ROBO2: variants seen among roughly 807,000 people sequenced by gnomAD.
The protein encoded by ROBO2 is roundabout guidance receptor 2.
In ROBO2, 53 loss-of-function variants were observed where a neutral mutation model predicts 160.8. That is an observed-to-expected ratio of 0.33 (90% CI 0.26 to 0.41). ROBO2 has a LOEUF of 0.41. Ranked by LOEUF, ROBO2 falls within the 10% of genes least tolerant of loss-of-function variation. The pLI is 1.00. For missense variants in ROBO2, 1,577 were observed against 1,722.4 expected, an observed-to-expected ratio of 0.92 and a Z score of 1.49; for synonymous variants, 664 against 611.7, an observed-to-expected ratio of 1.09 and a Z score of -1.26.
At chr3:77,189,435 G>T (rs1579800182) in intron 2 of ROBO2, among the ~76,000 whole-genome samples, 1 of 151,836 alleles carries the variant, frequency 6.6e-6, no homozygotes, top group East Asian at 1.9e-4. Context: ...TTTTAAAGAA[G>T]ATATCTGTGC....
At chr3:76,513,513 G>T (rs771619844) in intron 2 of ROBO2, among the ~76,000 whole-genome samples, 6 of 152,020 alleles carry the variant, frequency 3.9e-5, no homozygotes, top group Non-Finnish European at 7.4e-5. Flanking sequence ...ACACCACCAC[G>T]CCTGGCGTGG....
chr3:76,027,600 ATCCTTTTC>A (rs1490288647), intron 2 of ROBO2, among the ~76,000 whole-genome samples: 2 of 151,852 alleles, frequency 1.3e-5, no homozygotes, highest in African/African-American at 4.8e-5. Context: ...AATGAAACCC[ATCCTTTTC>A]TGACAACAGT....
intron 2 of ROBO2, among the ~76,000 whole-genome samples, chr3:76,077,105 C>T (rs187375625): frequency 2.6e-5 from 4 of 152,176 alleles, no homozygotes; most frequent in South Asian, 2.1e-4. Context: ...AATTTTCACT[C>T]GTACACAATA....
rs879848225 is a variant in ROBO2, at chr3:76,555,418, A to AAGAAGAGG, written c.110-542595_110-542594insGAAGAGGA. On this transcript the variant is annotated intron_variant, in intron 2 of 26. Coordinates refer to the ROBO2 transcript ENST00000487694. ...GAAGAAGAAGAAGAAGAAGAAGAAG[A>AAGAAGAGG]AAGAAGGAGAAGGGGAAGGGGAAGA... 7.5e-5 allele frequency among the ~76,000 whole-genome samples: 6 copies of AAGAAGAGG among 80,178 alleles called. No homozygotes were observed. The South Asian group carries it at 3.1e-3, about 42-fold the overall frequency. The allele number at this position is 80,178 out of a possible 152,430, so 52.6% of individuals were successfully genotyped here.
At chr3:76,018,646 T>C (rs1476176074) in intron 2 of ROBO2, among the ~76,000 whole-genome samples, 1 of 151,972 alleles carries the variant, frequency 6.6e-6, no homozygotes, top group East Asian at 1.9e-4. Context: ...CTTAATTGTG[T>C]TGTGCTTAGA....
At chr3:76,212,247 C>T (rs531295651) in intron 2 of ROBO2, among the ~76,000 whole-genome samples, 8 of 151,776 alleles carry the variant, frequency 5.3e-5, no homozygotes, top group South Asian at 4.2e-4. Flanking sequence ...CTAATGGGGA[C>T]GTGTAAATAA....
chr3:77,220,931 A>T (rs1401825601), intron 2 of ROBO2, among the ~76,000 whole-genome samples: 1 of 152,150 alleles, frequency 6.6e-6, no homozygotes, highest in African/African-American at 2.4e-5. Flanking sequence ...TTTCTATTAT[A>T]AAAAAATAGA....
At chr3:75,910,082 T>A (rs1946504353) in intron 1 of ROBO2, among the ~76,000 whole-genome samples, 4 of 152,170 alleles carry the variant, frequency 2.6e-5, no homozygotes, top group Admixed American at 2.6e-4. Context: ...ACTTGGAAGT[T>A]TCCTCCGTAA....
At chr3:76,563,455 C>CT (rs1052737873) in intron 2 of ROBO2, among the ~76,000 whole-genome samples, 2 of 152,038 alleles carry the variant, frequency 1.3e-5, no homozygotes, top group African/African-American at 2.4e-5. Flanking sequence ...TAAGGACTAG[C>CT]TTTTTTATCA....
chr3:75,931,807 C>A (rs977096851), intron 1 of ROBO2, among the ~76,000 whole-genome samples: 2 of 151,996 alleles, frequency 1.3e-5, no homozygotes, highest in African/African-American at 4.8e-5. Flanking sequence ...AATCTCTTCT[C>A]TTTTCTTAGT....
chr3:75,937,409 A>G (rs1245241388), intron 1 of ROBO2: 24 of 744,058 alleles, frequency 3.2e-5, no homozygotes, highest in Non-Finnish European at 4.8e-5. Context: ...TAGATATGGG[A>G]TTTGAGTCGT....
chr3:76,925,792 A>G (rs1278415453), intron 2 of ROBO2, among the ~76,000 whole-genome samples: 1 of 152,320 alleles, frequency 6.6e-6, no homozygotes, highest in East Asian at 1.9e-4. Context: ...ACAAGTTGTC[A>G]TCTGATCATA....
At chr3:76,183,212 A>G (rs776973433) in intron 2 of ROBO2, among the ~76,000 whole-genome samples, 1 of 151,894 alleles carries the variant, frequency 6.6e-6, no homozygotes, top group Admixed American at 6.6e-5. Context: ...GGACATTCCA[A>G]CTTCTTACAT....
At chr3:77,235,860 C>T (rs533554132) in intron 2 of ROBO2, among the ~76,000 whole-genome samples, 1 of 152,206 alleles carries the variant, frequency 6.6e-6, no homozygotes, top group East Asian at 1.9e-4. Flanking sequence ...TACATAGGCC[C>T]CCTCACTATC....
chr3:76,402,181 G>A (rs2077866392), intron 2 of ROBO2, among the ~76,000 whole-genome samples: 1 of 151,428 alleles, frequency 6.6e-6, no homozygotes, highest in African/African-American at 2.4e-5. Context: ...AAATTTTCAA[G>A]TGGATATTTA....
At chr3:77,008,336 T>G (rs1365537017) in intron 2 of ROBO2, among the ~76,000 whole-genome samples, 1 of 152,180 alleles carries the variant, frequency 6.6e-6, no homozygotes, top group African/African-American at 2.4e-5. Context: ...AGCATTTGTT[T>G]AAAAATGTTG....
chr3:77,138,296 A>G (rs961472191), intron 2 of ROBO2, among the ~76,000 whole-genome samples: 9 of 152,230 alleles, frequency 5.9e-5, no homozygotes, highest in Non-Finnish European at 1.2e-4. Context: ...ACAATTAATT[A>G]CTCATATTAT....
intron 2 of ROBO2, among the ~76,000 whole-genome samples, chr3:76,707,789 G>A (rs1300441994): frequency 3.4e-5 from 5 of 148,152 alleles, no homozygotes; most frequent in African/African-American, 1.2e-4. Context: ...TGAGATTTCT[G>A]TATCAAGACA....
At chr3:77,443,784 A>G (rs1433888930) in intron 2 of ROBO2, among the ~76,000 whole-genome samples, 2 of 152,124 alleles carry the variant, frequency 1.3e-5, no homozygotes, top group African/African-American at 4.8e-5. Flanking sequence ...AGTTGTAGCT[A>G]TGTAGCCAGC....
Sources: allele counts gnomAD v4.1 joint callset (sites outside exome capture counted in the v4.1 genomes callset), GRCh38; gene constraint gnomAD v4.1.1; transcripts MANE v1.5; gene names NCBI Gene and HGNC (gene_info 2026-07-23, HGNC 2026-07-21).